The following TESMIN variants were observed in gnomAD, a reference collection of about 807,000 sequenced individuals.
The protein encoded by TESMIN is testis expressed metallothionein like protein, also known as CXC domain containing 2.
TESMIN carries 34 observed loss-of-function variants against 47.4 expected under a neutral mutation model. That is an observed-to-expected ratio of 0.72 (90% CI 0.55 to 0.96). The LOEUF (loss-of-function observed/expected upper bound fraction) is 0.96, where lower values mean the gene tolerates loss of function less well. TESMIN is among the 40% of genes least tolerant of loss of function. The pLI is 0.00. For missense variants in TESMIN, 610 were observed against 637.2 expected (o/e 0.96, Z 0.46); for synonymous variants, 278 against 258.9 (o/e 1.07, Z -0.71).
chr11:68,710,991 C>T lies in TESMIN; in HGVS notation c.1217G>A (p.Ser406Asn). 2 of 1,613,802 alleles carry T rather than the reference C, an allele frequency of 1.2e-6. No homozygotes were observed. The highest frequency in any genetic ancestry group is 1.7e-6 in the Non-Finnish European group (2 of 1,179,878). The change falls in exon 9 of 10, where the codon AGC becomes AAC. Residue 406 changes from serine to asparagine, a missense_variant. By Grantham distance (46) the Ser-to-Asn change is conservative. Transcript: ENST00000255087. ...KCIGCKNYEE[S>N]PERKTLMSMP... The stretch of plus-strand genomic sequence containing the variant: ...GCTCATTAGTGTCTTTCGTTCTGGG[C>T]TTTCTTCATAATTTTTGCAACCAAT...
In TESMIN at chr11:68,710,990, GCT is replaced by G; in HGVS notation, c.1216_1217del (p.Ser406ProfsTer39). On this transcript the variant is annotated frameshift_variant, in exon 9 of 10. Transcript: ENST00000255087. LOFTEE classifies it high-confidence loss of function. The stretch of plus-strand genomic sequence containing the variant: ...TGCTCATTAGTGTCTTTCGTTCTGG[GCT>G]TTCTTCATAATTTTTGCAACCAATG... The part of the protein sequence containing the change: ...KCIGCKNYEE[S>X]PERKTLMSMP... 1 of 1,613,722 alleles carries G rather than the reference GCT, an allele frequency of 6.2e-7. No individual in the cohort carries two copies. Among genetic ancestry groups the G allele is most frequent in the Non-Finnish European group, 8.5e-7 (1 of 1,179,796 alleles).
chr11:68,713,376 T>G lies in TESMIN; in HGVS notation c.1052A>C (p.Gln351Pro). 1 of 1,614,204 alleles carries G rather than the reference T, an allele frequency of 6.2e-7. No homozygotes were observed. The part of the protein sequence containing the change: ...ACLGRNPEAF[Q>P]PKIGKGQLGN... ...CAATTGGCCCTTCCCAATTTTTGGCTGGAAAGCTTCTGGATTTCTACCAAG... is the reference window on the plus strand; with the variant it reads ...CAATTGGCCCTTCCCAATTTTTGGCGGGAAAGCTTCTGGATTTCTACCAAG... The change falls in exon 8 of 10, where the codon CAG (glutamine) becomes CCG (proline). Residue 351 changes from glutamine to proline, a missense_variant. Transcript: ENST00000255087.
chr11:68,716,757 G>A (rs1410283954), intron 6 of TESMIN, among the ~76,000 whole-genome samples: 1 of 151,834 alleles, frequency 6.6e-6, no homozygotes. Flanking sequence ...GATGGGCAAG[G>A]GCGACGCTCT....
chr11:68,706,708 C>T (rs971488810), downstream of TESMIN, among the ~76,000 whole-genome samples: 1 of 152,192 alleles, frequency 6.6e-6, no homozygotes, highest in Non-Finnish European at 1.5e-5. Context: ...ATTCTGATTA[C>T]ACATTGAAAC....
rs1946421617 is a variant in TESMIN at position 68,738,794 on chromosome 11, C to G, written c.829-6G>C. ...GATGGTAAGGCTCCCTCAAGCTGTT[C>G]AAAGTCAAAGGCAAGGATATTTTGA... On this transcript the variant is annotated splice_region_variant and splice_polypyrimidine_tract_variant and intron_variant, in intron 5 of 9. Transcript: ENST00000255087. 1.2e-6 allele frequency: 2 copies of G among 1,607,488 alleles called. No homozygotes were observed. The highest frequency in any genetic ancestry group is 1.1e-5 in the South Asian group (1 of 90,852).
At chr11:68,749,179 G>A (rs1034578025) in intron 2 of TESMIN, among the ~76,000 whole-genome samples, 8 of 152,204 alleles carry the variant, frequency 5.3e-5, no homozygotes, top group Admixed American at 3.9e-4. Context: ...CCTCTGTCCT[G>A]GGAAACGGCT....
rs1946383212 is a variant in TESMIN at position 68,736,049 on chromosome 11, A to G, written c.917+2651T>C. 12 of 977,456 alleles carry G rather than the reference A, an allele frequency of 1.2e-5. No individual in the cohort carries two copies. In the South Asian group the frequency reaches 2.8e-4, roughly 23 times the overall value. The allele number at this position is 977,456 out of a possible 1,614,324, so 60.5% of individuals were successfully genotyped here. A position where few individuals can be genotyped will look rare whatever the true frequency, so the allele number is the denominator to read the frequency against. ...TAAAGAGTTAGAAGAGATGTGGACAACTCTGCCTCAGAAAAGCATTCTAAA... is the reference window on the plus strand; with the variant it reads ...TAAAGAGTTAGAAGAGATGTGGACAGCTCTGCCTCAGAAAAGCATTCTAAA... On this transcript the variant is annotated intron_variant, in intron 6 of 9. Transcript: ENST00000255087.
chr11:68,745,862 C>T (rs1946514032), intron 3 of TESMIN, among the ~76,000 whole-genome samples: 1 of 152,154 alleles, frequency 6.6e-6, no homozygotes. Flanking sequence ...TGTGCCCAGC[C>T]CTGCTTCAGG....
Position 68,750,214 on chromosome 11 carries a change from G to C in TESMIN, c.447C>G (p.Ser149=), listed in dbSNP as rs771196784. Residue 149 remains serine, a synonymous_variant, in exon 2 of 10, where the codon TCC becomes TCG. Coordinates refer to ENST00000255087, the MANE Select transcript of TESMIN (RefSeq NM_004923.3). The part of the protein sequence containing the change: ...PLGAWVLEGA[S]HPGVRMIPVE... ...CTGGGATCATGCGGACGCCCGGGTG[G>C]GAGGCTCCTTCCAGGACCCAGGCGC... The C allele has an allele frequency of 2.7e-6, 4 of 1,498,922 alleles. No homozygotes were observed. The highest frequency in any genetic ancestry group is 1.8e-6 in the Non-Finnish European group (2 of 1,136,214). 92.9% of individuals were successfully genotyped at this position (1,498,922 alleles called of 1,614,324 possible).
In TESMIN at chr11:68,707,986, C is replaced by T; in HGVS notation, c.*322G>A. On this transcript the variant is annotated 3_prime_UTR_variant, in exon 10 of 10. Transcript: ENST00000255087. ...AGGGCCTGCTCTGCCCTCCCCTGCCCCGCTCTGCCCTTCGCAGGGCCTGCT... is the reference window on the plus strand; with the variant it reads ...AGGGCCTGCTCTGCCCTCCCCTGCCTCGCTCTGCCCTTCGCAGGGCCTGCT... The T allele has an allele frequency of 2.3e-6, 1 of 440,572 alleles. No homozygotes were observed. Among genetic ancestry groups the T allele is most frequent in the Non-Finnish European group, 4.4e-6 (1 of 227,428 alleles). The allele number at this position is 440,572 out of a possible 1,614,324, so 27.3% of individuals were successfully genotyped here.
intron 9 of TESMIN, among the ~76,000 whole-genome samples, chr11:68,709,706 T>C (rs1283102635): frequency 6.6e-6 from 1 of 152,202 alleles, no homozygotes; most frequent in Non-Finnish European, 1.5e-5. Flanking sequence ...GAAGAAAAGA[T>C]AGGGCTGCCC....
chr11:68,705,245 C>T (rs563983254), downstream of TESMIN, among the ~76,000 whole-genome samples: 1 of 152,242 alleles, frequency 6.6e-6, no homozygotes, highest in Non-Finnish European at 1.5e-5. Context: ...TCTCTGGATC[C>T]TCTGGCTGCT....
intron 5 of TESMIN, among the ~76,000 whole-genome samples, chr11:68,739,354 G>C (rs997188495): frequency 1.3e-5 from 2 of 152,170 alleles, no homozygotes; most frequent in African/African-American, 2.4e-5. Flanking sequence ...GCCTGTGGAG[G>C]CTGTTCACAG....
chr11:68,711,419 G>A (rs1320033279), intron 8 of TESMIN, among the ~76,000 whole-genome samples: 3 of 134,474 alleles, frequency 2.2e-5, no homozygotes, highest in Non-Finnish European at 4.8e-5. Context: ...GTGACTGTGT[G>A]TGTTTGAATG....
At chr11:68,735,176 C>T (rs1946372946) in intron 6 of TESMIN, among the ~76,000 whole-genome samples, 1 of 152,274 alleles carries the variant, frequency 6.6e-6, no homozygotes, top group Middle Eastern at 3.4e-3. Flanking sequence ...CTAGAGGTGG[C>T]AGGTCTAGCT....
intron 6 of TESMIN, among the ~76,000 whole-genome samples, chr11:68,735,954 A>G (rs959815927): frequency 6.6e-6 from 1 of 152,268 alleles, no homozygotes; most frequent in Non-Finnish European, 1.5e-5. Context: ...CTCTGACTGC[A>G]GTGGACACTA....
intron 6 of TESMIN, among the ~76,000 whole-genome samples, chr11:68,726,086 G>A (rs779617430): frequency 1.1e-4 from 16 of 152,144 alleles, no homozygotes; most frequent in Non-Finnish European, 2.4e-4. Flanking sequence ...TGTGTGATCT[G>A]CTGGGCTGTG....
intron 1 of TESMIN, among the ~76,000 whole-genome samples, 146 bp downstream of exon 1, chr11:68,751,257 GGGCCAGGTGAGGTGCGA>G: frequency 7.0e-6 from 1 of 143,576 alleles, no homozygotes; most frequent in East Asian, 2.1e-4. Context: ...AGGGGAGGGG[GGGCCAGGTGAGGTGCGA>G]CCAGGTGAGG....
At chr11:68,731,841 A>G (rs1375921640) in intron 6 of TESMIN, among the ~76,000 whole-genome samples, 3 of 152,174 alleles carry the variant, frequency 2.0e-5, no homozygotes, top group Non-Finnish European at 4.4e-5. Flanking sequence ...ACAGAACACA[A>G]ACTTTATTAG....
Sources: allele counts gnomAD v4.1 joint callset (sites outside exome capture counted in the v4.1 genomes callset), GRCh38; gene constraint gnomAD v4.1.1; transcripts MANE v1.5; gene names NCBI Gene and HGNC (gene_info 2026-07-23, HGNC 2026-07-21).